TFRC: variants seen among roughly 807,000 people sequenced by gnomAD.
TFRC encodes the protein transferrin receptor protein 1.
Under a neutral mutation model 85.8 loss-of-function variants are expected in TFRC, and 35 were observed. The observed-to-expected ratio is 0.41, with a 90% CI of 0.31 to 0.54. The LOEUF is 0.54. Among genes scored for constraint, TFRC ranks in the 20% least tolerant of loss-of-function variants. The pLI is 0.31. For missense variants in TFRC, 828 were observed against 921.5 expected (o/e 0.90, Z 1.31); for synonymous variants, 362 against 328.6 (o/e 1.10, Z -1.10).
intron 7 of TFRC, among the ~76,000 whole-genome samples, chr3:196,069,022 G>A (rs1034758905): frequency 6.6e-6 from 1 of 151,668 alleles, no homozygotes; most frequent in Admixed American, 6.6e-5. Context: ...GGAGTGGCAC[G>A]AGTCACATCT....
At chr3:196,061,250 C>T (rs1717255710) in intron 13 of TFRC, among the ~76,000 whole-genome samples, 1 of 152,170 alleles carries the variant, frequency 6.6e-6, no homozygotes, top group Non-Finnish European at 1.5e-5. Flanking sequence ...ATCAGTGATG[C>T]CACAACGTAA....
At chr3:196,070,531 G>C (rs1031715815) in intron 6 of TFRC, among the ~76,000 whole-genome samples, 13 of 152,082 alleles carry the variant, frequency 8.5e-5, no homozygotes, top group Non-Finnish European at 2.9e-5. Flanking sequence ...GGGATTACAG[G>C]CGTGAGCCAC....
chr3:196,067,812 G>A (rs572087377), intron 8 of TFRC, among the ~76,000 whole-genome samples, 155 bp from the exon 9 acceptor site: 1 of 152,268 alleles, frequency 6.6e-6, no homozygotes, highest in East Asian at 1.9e-4. Flanking sequence ...CTGTTTTCAT[G>A]GCATATGGAA....
chr3:196,050,207 A>G lies in TFRC; in HGVS notation c.*1735T>C, dbSNP rs567606434. ...GTGATAAAGTTAAAATGACTTGTCA[A>G]TAGCAAACATTATAAATGTATGCTA... is the stretch of plus-strand genomic sequence containing the variant. On this transcript the variant is annotated 3_prime_UTR_variant, in exon 19 of 19. Transcript: ENST00000360110. 10 of 226,036 alleles carry G rather than the reference A, an allele frequency of 4.4e-5. No individual in the cohort carries two copies. Among genetic ancestry groups the G allele is most frequent in the African/African-American group, 1.8e-4 (8 of 44,976 alleles). 14.0% of individuals were successfully genotyped at this position (226,036 alleles called of 1,614,324 possible). A position where few individuals can be genotyped will look rare whatever the true frequency, so the allele number is the denominator to read the frequency against.
intron 14 of TFRC, among the ~76,000 whole-genome samples, chr3:196,059,380 C>T (rs1490120623): frequency 6.6e-6 from 1 of 152,076 alleles, no homozygotes; most frequent in Non-Finnish European, 1.5e-5. Context: ...TTGTAAAAGC[C>T]CTCTCTGGGC....
In TFRC at chr3:196,051,893, T is replaced by C. The variant is rs745706942; in HGVS notation, c.*49A>G. 3.1e-6 allele frequency: 5 copies of C among 1,590,240 alleles called. No individual in the cohort carries two copies. In the South Asian group the frequency reaches 3.4e-5, roughly 11 times the overall value. On this transcript the variant is annotated 3_prime_UTR_variant, in exon 19 of 19. Transcript: ENST00000360110. ...AAATTTAGCACGATCAGCACAAGTCTAGAAACCAGACTACCCTGCTGTTCT... is the reference window on the plus strand; with the variant it reads ...AAATTTAGCACGATCAGCACAAGTCCAGAAACCAGACTACCCTGCTGTTCT...
intron 3 of TFRC, chr3:196,074,432 T>G (rs1023219660): frequency 8.9e-6 from 2 of 225,056 alleles, no homozygotes; most frequent in African/African-American, 2.3e-5. Flanking sequence ...AGCATTTGCT[T>G]CCTGGTGGAG....
Position 196,069,497 on chromosome 3 carries a change from A to G in TFRC, c.759T>C (p.Ser253=), listed in dbSNP as rs746906231. The change falls in exon 7 of 19, where the codon TCT becomes TCC. Residue 253 remains serine, a synonymous_variant. Transcript: ENST00000360110. ...TTTTCCCTGCTCTGACAATCACTAT[A>G]GATCCATTCACAGGAGTGTATAAAT... ...FEDLYTPVNG[S]IVIVRAGKIT... 5 of 1,613,488 alleles carry G rather than the reference A, an allele frequency of 3.1e-6. No individual in the cohort carries two copies. Among genetic ancestry groups the G allele is most frequent in the Non-Finnish European group, 4.2e-6 (5 of 1,179,674 alleles).
intron 10 of TFRC, 91 bp downstream of exon 10, chr3:196,065,352 C>G: frequency 1.3e-6 from 1 of 759,478 alleles, no homozygotes; most frequent in Non-Finnish European, 2.0e-6. Context: ...AGCCAGCATT[C>G]CTACACTCGC....
chr3:196,062,634 C>A lies in TFRC; in HGVS notation c.1416G>T (p.Ser472=). 6.2e-7 allele frequency: 1 copy of A among 1,609,392 alleles called. No individual in the cohort carries two copies. Among genetic ancestry groups the A allele is most frequent in the South Asian group, 1.1e-5 (1 of 90,012 alleles). ...GATEWLEGYL[S]SLHLKAFTYI... Reference sequence around the variant, plus strand: ...AAGTGAAAGCCTTTAAATGCAGGGACGAAAGGTATCCCTAGAAGAGAAGGG... The same window carrying A: ...AAGTGAAAGCCTTTAAATGCAGGGAAGAAAGGTATCCCTAGAAGAGAAGGG... Residue 472 remains serine (S), a synonymous_variant, in exon 13 of 19, where the codon TCG becomes TCT. Transcript: ENST00000360110.
rs1718564421 is a variant in TFRC, at chr3:196,075,103, C to T, written c.238+56G>A. 36 of 1,156,570 alleles carry T rather than the reference C, an allele frequency of 3.1e-5. 1 individual carries two copies. In the South Asian group the frequency reaches 4.4e-4, roughly 14 times the overall value. 71.6% of individuals were successfully genotyped at this position (1,156,570 alleles called of 1,614,324 possible). ...ATAACTATATGCTGAGCTGACATAA[C>T]AGACTTCCCAGAGTTGGTTATAGAA... On this transcript the variant is annotated intron_variant, in intron 3 of 18. Transcript: ENST00000360110.
At chr3:196,078,870 G>T (rs1198196431) in intron 1 of TFRC, among the ~76,000 whole-genome samples, 1 of 151,276 alleles carries the variant, frequency 6.6e-6, no homozygotes, top group Admixed American at 6.6e-5. Flanking sequence ...CCCCTCCCGG[G>T]TTCAAGCCAT....
intron 16 of TFRC, among the ~76,000 whole-genome samples, chr3:196,056,342 G>A (rs867945596): frequency 2.6e-5 from 4 of 152,246 alleles, no homozygotes; most frequent in Middle Eastern, 3.4e-3. Context: ...GGAAAATACT[G>A]TTCAGCTGGA....
chr3:196,069,593 T>G, intron 6 of TFRC, 25 bp from the exon 7 acceptor site: 1 of 1,396,896 alleles, frequency 7.2e-7, no homozygotes, highest in Non-Finnish European at 1.0e-6. Flanking sequence ...TTAGATTTAA[T>G]GAGCATTATG....
Position 196,077,076 on chromosome 3 carries a change from T to C in TFRC, c.24A>G (p.Ala8=), listed in dbSNP as rs780985009. 6.2e-7 allele frequency: 1 copy of C among 1,613,876 alleles called. No individual in the cohort carries two copies. The highest frequency in any genetic ancestry group is 1.1e-5 in the South Asian group (1 of 91,062). MMDQARS[A]FSNLFGGEPL... ...GAAAATATCTTACCAAGTTAGAGAA[T>C]GCTGATCTAGCTTGATCCATCATTC... Residue 8 remains alanine (A), a synonymous_variant, in exon 2 of 19, where the codon GCA becomes GCG. Transcript: ENST00000360110.
At chr3:196,056,211 T>C (rs1358901723) in intron 16 of TFRC, among the ~76,000 whole-genome samples, 2 of 152,168 alleles carry the variant, frequency 1.3e-5, no homozygotes, top group African/African-American at 4.8e-5. Flanking sequence ...AAAAATTTTT[T>C]GTAGAGATAT....
At chr3:196,054,380 G>T (rs1000778086) in intron 17 of TFRC, among the ~76,000 whole-genome samples, 1 of 151,826 alleles carries the variant, frequency 6.6e-6, no homozygotes, top group Non-Finnish European at 1.5e-5. Context: ...ATTCCAGCCT[G>T]GGGGACAAGA....
At chr3:196,060,556 T>C in intron 13 of TFRC, 1 of 253,446 alleles carries the variant, frequency 3.9e-6, no homozygotes, top group South Asian at 4.7e-5. Context: ...CCCAGGACTT[T>C]GGGAGGCCCA....
At chr3:196,060,926 A>G (rs547957911) in intron 13 of TFRC, among the ~76,000 whole-genome samples, 2 of 152,040 alleles carry the variant, frequency 1.3e-5, no homozygotes, top group East Asian at 3.9e-4. Context: ...CCCATTAGCA[A>G]TTTCATGTTT....
Sources: gnomAD v4.1 joint callset for allele counts (sites outside exome capture counted in the v4.1 genomes callset) on GRCh38, gnomAD v4.1.1 for gene constraint, MANE v1.5 for transcripts, NCBI Gene and HGNC (gene_info 2026-07-23, HGNC 2026-07-21) for gene names.